DSCAM: variants seen among roughly 807,000 people sequenced by gnomAD.
DSCAM encodes DS cell adhesion molecule.
DSCAM carries 47 observed loss-of-function variants against 217.7 expected under a neutral mutation model. That is an observed-to-expected ratio of 0.22 (90% CI 0.17 to 0.28). The LOEUF (loss-of-function observed/expected upper bound fraction) is 0.28, where lower values mean the gene tolerates loss of function less well. DSCAM is among the 10% of genes least tolerant of loss of function. The pLI, the probability that DSCAM is intolerant of heterozygous loss-of-function variation, is 1.00. For missense variants in DSCAM, 2,080 were observed against 2,618.3 expected, an observed-to-expected ratio of 0.79 and a Z score of 4.49; for synonymous variants, 1,056 against 1,015.3, an observed-to-expected ratio of 1.04 and a Z score of -0.76.
chr21:40,047,550 T>G (rs1034382500), intron 30 of DSCAM, among the ~76,000 whole-genome samples: 2 of 152,212 alleles, frequency 1.3e-5, no homozygotes, highest in African/African-American at 4.8e-5. Context: ...ATTTTAATTA[T>G]CCTGAGTTTG....
At chr21:40,487,036 A>T (rs1025502713) in intron 3 of DSCAM, among the ~76,000 whole-genome samples, 31 of 152,110 alleles carry the variant, frequency 2.0e-4, no homozygotes, top group Non-Finnish European at 3.1e-4. Flanking sequence ...AGGTGGTAAC[A>T]ACAACATGCA....
At chr21:40,541,786 A>T (rs1049274815) in intron 3 of DSCAM, among the ~76,000 whole-genome samples, 2 of 152,212 alleles carry the variant, frequency 1.3e-5, no homozygotes, top group South Asian at 2.1e-4. Context: ...ATGTTTAGGA[A>T]GACTTGGAAG....
intron 3 of DSCAM, among the ~76,000 whole-genome samples, chr21:40,376,022 C>G (rs999522976): frequency 6.6e-6 from 1 of 152,106 alleles, no homozygotes; most frequent in African/African-American, 2.4e-5. Context: ...AAAGGCAATA[C>G]TATTTGGGGG....
At chr21:40,071,551 A>G (rs1320572913) in intron 27 of DSCAM, among the ~76,000 whole-genome samples, 1 of 152,230 alleles carries the variant, frequency 6.6e-6, no homozygotes, top group East Asian at 1.9e-4. Context: ...AACCATATAA[A>G]ATTGATCCCA....
At chr21:40,756,683 C>T (rs192568353) in intron 1 of DSCAM, among the ~76,000 whole-genome samples, 15 of 152,016 alleles carry the variant, frequency 9.9e-5, no homozygotes, top group African/African-American at 2.9e-4. Flanking sequence ...TGAGCCACCA[C>T]GCGCAGCCCA....
chr21:40,779,308 C>T (rs2091518967), intron 1 of DSCAM, among the ~76,000 whole-genome samples: 1 of 152,132 alleles, frequency 6.6e-6, no homozygotes, highest in South Asian at 2.1e-4. Flanking sequence ...ATGATAAACA[C>T]ACTTAAACTT....
intron 3 of DSCAM, among the ~76,000 whole-genome samples, chr21:40,508,565 T>C (rs182937319): frequency 1.7e-3 from 262 of 151,330 alleles, no homozygotes; most frequent in African/African-American, 5.7e-3. Context: ...GCTGTTGTTG[T>C]TATCATCATT....
At chr21:40,291,040 C>T (rs1251421268) in intron 10 of DSCAM, among the ~76,000 whole-genome samples, 1 of 152,202 alleles carries the variant, frequency 6.6e-6, no homozygotes, top group African/African-American at 2.4e-5. Flanking sequence ...GCCCAAAACC[C>T]TGATCTTACC....
intron 11 of DSCAM, among the ~76,000 whole-genome samples, chr21:40,196,771 T>A (rs2091014209): frequency 6.6e-6 from 1 of 152,128 alleles, no homozygotes; most frequent in South Asian, 2.1e-4. Context: ...TTTTTATGAG[T>A]GTTGACTGTG....
chr21:40,312,192 T>C lies in DSCAM; in HGVS notation c.1951A>G (p.Thr651Ala). The C allele has an allele frequency of 6.2e-7, 1 of 1,613,986 alleles. No homozygotes were observed. The highest frequency in any genetic ancestry group is 1.1e-5 in the South Asian group (1 of 91,068). ...LGVTIDNIDF[T>A]SSLRISNLSL... is the part of the protein sequence containing the mutation. Reference sequence around the variant, plus strand: ...AGATTGGAAATCCTCAAGGAGCTCGTGAAGTCAATATTGTCAATGGTCACC... The same window carrying C: ...AGATTGGAAATCCTCAAGGAGCTCGCGAAGTCAATATTGTCAATGGTCACC... The change falls in exon 9 of 33, where the codon ACG (threonine) becomes GCG (alanine). Residue 651 changes from threonine to alanine, a missense_variant. Around this residue, in one of 5 missense-constraint regions of DSCAM, gnomAD observed 218 missense variants for 364.1 expected, o/e 0.60. Transcript: ENST00000400454.
At chr21:40,073,013 G>A (rs2089318155) in intron 27 of DSCAM, among the ~76,000 whole-genome samples, 1 of 152,148 alleles carries the variant, frequency 6.6e-6, no homozygotes, top group African/African-American at 2.4e-5. Context: ...CCCTTGTACA[G>A]CAACAATTAA....
chr21:40,234,802 T>C (rs969475337), intron 11 of DSCAM, among the ~76,000 whole-genome samples: 2 of 152,166 alleles, frequency 1.3e-5, no homozygotes, highest in African/African-American at 2.4e-5. Context: ...ATGATTCCCC[T>C]GGGTTGTTTT....
intron 8 of DSCAM, among the ~76,000 whole-genome samples, chr21:40,323,105 G>T (rs1766820918): frequency 6.6e-6 from 1 of 152,122 alleles, no homozygotes; most frequent in Non-Finnish European, 1.5e-5. Flanking sequence ...CCAAACTCAG[G>T]ACAACCCTGA....
intron 3 of DSCAM, among the ~76,000 whole-genome samples, chr21:40,512,921 CAG>C (rs770341933): frequency 3.9e-5 from 6 of 152,102 alleles, no homozygotes; most frequent in Non-Finnish European, 8.8e-5. Flanking sequence ...TTTTTTGAGA[CAG>C]AGTTTCACTC....
chr21:40,094,472 G>A (rs2089651862), intron 20 of DSCAM, among the ~76,000 whole-genome samples: 1 of 152,132 alleles, frequency 6.6e-6, no homozygotes, highest in Non-Finnish European at 1.5e-5. Flanking sequence ...ACACACAAAG[G>A]ACAAGCTCTG....
chr21:40,115,876 C>A (rs2089964425), intron 20 of DSCAM, among the ~76,000 whole-genome samples: 1 of 152,110 alleles, frequency 6.6e-6, no homozygotes, highest in Non-Finnish European at 1.5e-5. Context: ...CAGCTCTATT[C>A]ACAATAGCAA....
At chr21:40,022,279 C>T (rs992336711) in intron 32 of DSCAM, among the ~76,000 whole-genome samples, 3 of 152,104 alleles carry the variant, frequency 2.0e-5, no homozygotes, top group African/African-American at 7.2e-5. Flanking sequence ...ACTATTGATA[C>T]CTATTGGTCA....
intron 6 of DSCAM, among the ~76,000 whole-genome samples, chr21:40,345,141 C>A (rs1569075731): frequency 6.6e-6 from 1 of 152,126 alleles, no homozygotes; most frequent in Non-Finnish European, 1.5e-5. Context: ...TACGTTCACT[C>A]TTTCAGTCCA....
At chr21:40,738,075 G>T (rs77151318) in intron 1 of DSCAM, among the ~76,000 whole-genome samples, 1 of 152,080 alleles carries the variant, frequency 6.6e-6, no homozygotes, top group Non-Finnish European at 1.5e-5. Flanking sequence ...TGCATTTCAC[G>T]ACAGTCTTGG....
Sources: gnomAD v4.1 joint callset for allele counts (sites outside exome capture counted in the v4.1 genomes callset) on GRCh38, gnomAD v4.1.1 for gene constraint, gnomAD v4.1.1 regional missense constraint, MANE v1.5 for transcripts, NCBI Gene and HGNC (gene_info 2026-07-23, HGNC 2026-07-21) for gene names.